The following ZNF804B variants were observed in gnomAD, a reference collection of about 807,000 sequenced individuals.
ZNF804B encodes zinc finger 804B.
A neutral mutation model predicts 101.4 loss-of-function variants in ZNF804B; 80 were observed. That is an observed-to-expected ratio of 0.79 (90% CI 0.66 to 0.95). The LOEUF is 0.95. Among genes scored for constraint, ZNF804B ranks in the 40% least tolerant of loss-of-function variants. The probability of loss-of-function intolerance (pLI) is 0.00; values close to 1 mark genes in which losing one functional copy is unlikely to be tolerated. For missense variants in ZNF804B, 1,673 were observed against 1,561.9 expected (o/e 1.07, Z -1.20); for synonymous variants, 622 against 558.8 (o/e 1.11, Z -1.59).
chr7:89,026,584 G>A (rs945055786), intron 1 of ZNF804B, among the ~76,000 whole-genome samples: 1 of 152,136 alleles, frequency 6.6e-6, no homozygotes, highest in Non-Finnish European at 1.5e-5. Flanking sequence ...GTATAACCCT[G>A]GGTGTGGTGA....
At chr7:88,803,673 A>C (rs1790642385) in intron 1 of ZNF804B, among the ~76,000 whole-genome samples, 1 of 152,138 alleles carries the variant, frequency 6.6e-6, no homozygotes, top group East Asian at 1.9e-4. Context: ...GAGGATGCCC[A>C]GATTTGGGAA....
intron 2 of ZNF804B, among the ~76,000 whole-genome samples, chr7:89,277,166 A>T (rs1398557559): frequency 6.7e-6 from 1 of 149,132 alleles, no homozygotes; most frequent in Non-Finnish European, 1.5e-5. Context: ...AAAATGTTAT[A>T]TATAGATACA....
At chr7:89,262,739 G>T (rs1266659066) in intron 2 of ZNF804B, among the ~76,000 whole-genome samples, 2 of 151,910 alleles carry the variant, frequency 1.3e-5, no homozygotes, top group Non-Finnish European at 2.9e-5. Flanking sequence ...ATTAGAGTTT[G>T]CTTAGTTTTT....
At chr7:89,187,016 T>C (rs146017983) in intron 1 of ZNF804B, among the ~76,000 whole-genome samples, 59 of 152,318 alleles carry the variant, frequency 3.9e-4, no homozygotes, top group African/African-American at 1.3e-3. Context: ...ATATATTCTG[T>C]CAACCTTGAT....
intron 2 of ZNF804B, among the ~76,000 whole-genome samples, chr7:89,287,315 T>C (rs939546795): frequency 3.3e-5 from 5 of 152,118 alleles, no homozygotes; most frequent in African/African-American, 7.2e-5. Context: ...TACATATGTA[T>C]ACATACACGT....
intron 1 of ZNF804B, among the ~76,000 whole-genome samples, chr7:89,101,467 C>T (rs1790054581): frequency 1.3e-5 from 2 of 151,860 alleles, no homozygotes; most frequent in South Asian, 2.1e-4. Flanking sequence ...ATTGGATCTA[C>T]TTATGGTAAT....
At chr7:89,290,655 A>G (rs1189990300) in intron 2 of ZNF804B, among the ~76,000 whole-genome samples, 2 of 152,012 alleles carry the variant, frequency 1.3e-5, no homozygotes, top group Admixed American at 1.3e-4. Context: ...TAGAAAGGAG[A>G]GGTAAAAGGG....
chr7:89,008,798 A>G (rs760383753), intron 1 of ZNF804B, among the ~76,000 whole-genome samples: 29 of 152,180 alleles, frequency 1.9e-4, no homozygotes, highest in Non-Finnish European at 2.9e-4. Flanking sequence ...TTCACTTTCA[A>G]GTAGACCCTT....
chr7:88,883,774 T>A (rs1419866770), intron 1 of ZNF804B, among the ~76,000 whole-genome samples: 1 of 151,974 alleles, frequency 6.6e-6, no homozygotes, highest in Non-Finnish European at 1.5e-5. Context: ...ATTCTGGTTC[T>A]ATAAGTTGAG....
intron 2 of ZNF804B, 144 bp downstream of exon 2, chr7:89,218,439 T>C (rs1788930434): frequency 9.8e-7 from 1 of 1,021,204 alleles, no homozygotes; most frequent in South Asian, 1.7e-5. Context: ...AAAGGTTGTG[T>C]TTTGTGTTTA....
intron 1 of ZNF804B, among the ~76,000 whole-genome samples, chr7:88,951,464 G>GCGCACGCGCA (rs1793220357): frequency 6.6e-6 from 1 of 151,684 alleles, no homozygotes; most frequent in Admixed American, 6.6e-5. Flanking sequence ...ACATGCGCGT[G>GCGCACGCGCA]CGCACGCGCA....
chr7:89,262,948 T>C (rs1291149818), intron 2 of ZNF804B, among the ~76,000 whole-genome samples: 2 of 151,098 alleles, frequency 1.3e-5, no homozygotes, highest in Non-Finnish European at 2.9e-5. Context: ...GGTTCTGATA[T>C]TTGCTGCTTT....
intron 1 of ZNF804B, among the ~76,000 whole-genome samples, chr7:89,078,679 A>G (rs1215536996): frequency 6.8e-6 from 1 of 147,486 alleles, no homozygotes; most frequent in African/African-American, 2.5e-5. Flanking sequence ...TCTCTTACAT[A>G]TTTTCTAACT....
intron 1 of ZNF804B, among the ~76,000 whole-genome samples, chr7:88,876,095 C>T (rs888197733): frequency 3.3e-5 from 5 of 152,064 alleles, no homozygotes; most frequent in Non-Finnish European, 7.4e-5. Context: ...ACTCTCTTCT[C>T]GGAGGAATTG....
At chr7:88,913,645 C>T (rs189031865) in intron 1 of ZNF804B, among the ~76,000 whole-genome samples, 1 of 152,320 alleles carries the variant, frequency 6.6e-6, no homozygotes, top group African/African-American at 2.4e-5. Context: ...ATCCACCCGC[C>T]TCGGCCTCCC....
At chr7:89,064,653 G>A (rs1789427512) in intron 1 of ZNF804B, among the ~76,000 whole-genome samples, 1 of 152,106 alleles carries the variant, frequency 6.6e-6, no homozygotes, top group African/African-American at 2.4e-5. Flanking sequence ...GTTCCCTTCT[G>A]GTGGGGCATG....
intron 1 of ZNF804B, among the ~76,000 whole-genome samples, chr7:88,804,302 T>TA (rs1228578822): frequency 6.6e-6 from 1 of 152,110 alleles, no homozygotes; most frequent in Non-Finnish European, 1.5e-5. Flanking sequence ...CCTAGGTTTT[T>TA]ACCTATTAAA....
At chr7:88,989,148 A>T (rs1486837612) in intron 1 of ZNF804B, among the ~76,000 whole-genome samples, 1 of 151,482 alleles carries the variant, frequency 6.6e-6, no homozygotes, top group Non-Finnish European at 1.5e-5. Context: ...TCAGCCTCCC[A>T]AGTAGCTAGG....
intron 1 of ZNF804B, among the ~76,000 whole-genome samples, chr7:88,926,349 G>A (rs1156923294): frequency 1.3e-5 from 2 of 151,858 alleles, no homozygotes; most frequent in African/African-American, 4.8e-5. Flanking sequence ...CACTTTGGGA[G>A]GCTGAGGCAG....
Sources: gnomAD v4.1 joint callset for allele counts (sites outside exome capture counted in the v4.1 genomes callset) on GRCh38, gnomAD v4.1.1 for gene constraint, MANE v1.5 for transcripts, NCBI Gene and HGNC (gene_info 2026-07-23, HGNC 2026-07-21) for gene names.